PLXDC1: variants seen among roughly 807,000 people sequenced by gnomAD.
PLXDC1 encodes the protein plexin domain containing 1.
A neutral mutation model predicts 61.3 loss-of-function variants in PLXDC1; 39 were observed. The ratio of observed to expected loss-of-function variants is 0.64; its 90% CI spans 0.49 to 0.83. The LOEUF (loss-of-function observed/expected upper bound fraction) is 0.83, where lower values mean the gene tolerates loss of function less well. Ranked by LOEUF, PLXDC1 falls within the 40% of genes least tolerant of loss-of-function variation. PLXDC1 has a pLI of 0.00. For missense variants in PLXDC1, 596 were observed against 666.5 expected (o/e 0.89, Z 1.17); for synonymous variants, 212 against 254.5 (o/e 0.83, Z 1.59).
intron 4 of PLXDC1, 96 bp downstream of exon 4, chr17:39,108,808 A>G: frequency 1.3e-6 from 1 of 794,584 alleles, no homozygotes; most frequent in Non-Finnish European, 2.2e-6. Flanking sequence ...CTCCCATTTC[A>G]TATAACCCTG....
chr17:39,151,666 C>G, upstream of PLXDC1: 1 of 23,674 alleles, frequency 4.2e-5, no homozygotes, highest in Non-Finnish European at 6.4e-5. This position sits in a 1 kb window ranked among gnomAD's most constrained non-coding sequence, Gnocchi z 5.2. Context: ...GCCGCTGGGT[C>G]GGTGGGGGTG....
At position 39,067,383 on chromosome 17, in the gene PLXDC1, T is replaced by C. The variant is rs3254; in HGVS notation, c.*457A>G. On this transcript the variant is annotated 3_prime_UTR_variant, in exon 14 of 14. Coordinates refer to ENST00000315392, the MANE Select transcript of PLXDC1 (RefSeq NM_020405.5). ...AGCCAAACCTCCTCATTCCTATAAA[T>C]CTTTAACAAAAACAGTTAGCTGTTT... 34,569 of 156,224 alleles carry C rather than the reference T, an allele frequency of 0.22. 5,006 individuals carry two copies. Among genetic ancestry groups the C allele is most frequent in the Admixed American group, 0.4 (6,562 of 16,338 alleles). 9.7% of individuals were successfully genotyped at this position (156,224 alleles called of 1,614,324 possible).
At chr17:39,094,277 C>A (rs754132873) in intron 7 of PLXDC1, among the ~76,000 whole-genome samples, 2 of 152,100 alleles carry the variant, frequency 1.3e-5, no homozygotes, top group Non-Finnish European at 2.9e-5. Context: ...TCCCAGGGGC[C>A]ATCTCTCCTT....
At chr17:39,082,205 AG>A (rs1359681067) in intron 9 of PLXDC1, among the ~76,000 whole-genome samples, 1 of 152,216 alleles carries the variant, frequency 6.6e-6, no homozygotes, top group Non-Finnish European at 1.5e-5. Context: ...GATATTGGAA[AG>A]GAGCAAAGGA....
At chr17:39,071,503 T>C (rs938405440) in intron 12 of PLXDC1, among the ~76,000 whole-genome samples, 2 of 152,120 alleles carry the variant, frequency 1.3e-5, no homozygotes, top group Non-Finnish European at 2.9e-5. Context: ...AGAGAAACTA[T>C]CCTGGGGCAC....
chr17:39,091,332 C>T (rs371035679), intron 7 of PLXDC1, among the ~76,000 whole-genome samples: 1,891 of 152,198 alleles, frequency 0.012, 48 homozygotes, highest in African/African-American at 0.044. Flanking sequence ...CACTGACTCC[C>T]ATGGGGAGAG....
intron 7 of PLXDC1, 92 bp downstream of exon 7, chr17:39,105,750 CCCCTTGTCTACT>C: frequency 1.5e-6 from 1 of 683,898 alleles, no homozygotes; most frequent in South Asian, 1.9e-5. Flanking sequence ...CAACTCTCTG[CCCCTTGTCTACT>C]CCCTGCCACT....
At chr17:39,084,635 A>G (rs1396707404) in intron 8 of PLXDC1, among the ~76,000 whole-genome samples, 1 of 152,236 alleles carries the variant, frequency 6.6e-6, no homozygotes, top group Non-Finnish European at 1.5e-5. Context: ...ACGTGATCCC[A>G]GCAGCAGCCA....
chr17:39,130,268 C>A (rs1042547366), intron 2 of PLXDC1, among the ~76,000 whole-genome samples: 3 of 152,134 alleles, frequency 2.0e-5, no homozygotes, highest in African/African-American at 7.2e-5. Flanking sequence ...CCCTGGGCAA[C>A]TTAGTGAGAT....
intron 2 of PLXDC1, among the ~76,000 whole-genome samples, chr17:39,121,054 T>C (rs1168535383): frequency 6.6e-6 from 1 of 152,056 alleles, no homozygotes; most frequent in Non-Finnish European, 1.5e-5. Context: ...TTGCCCAGTC[T>C]GGTCTCAAAC....
At position 39,096,965 on chromosome 17, in the gene PLXDC1, C is replaced by T. The variant is rs1198986333; in HGVS notation, c.811+8889G>A. Reference sequence around the variant, plus strand: ...CACCAAAGATGCTTTGCAGACTCTGCTGAAAAGCCTGCGGAAGAGTTTATA... The same window carrying T: ...CACCAAAGATGCTTTGCAGACTCTGTTGAAAAGCCTGCGGAAGAGTTTATA... On this transcript the variant is annotated intron_variant, in intron 7 of 13. Coordinates refer to ENST00000315392, the MANE Select transcript of PLXDC1 (RefSeq NM_020405.5). The T allele has an allele frequency of 6.4e-6, 3 of 471,362 alleles. No homozygotes were observed. The Admixed American group carries it at 7.0e-5, about 11-fold the overall frequency. 29.2% of individuals were successfully genotyped at this position (471,362 alleles called of 1,614,324 possible).
At chr17:39,108,751 A>AC in intron 4 of PLXDC1, 153 bp downstream of exon 4, 4 of 635,680 alleles carry the variant, frequency 6.3e-6, no homozygotes, top group Admixed American at 4.7e-5. Context: ...ACGTCCACTG[A>AC]CCCCCCTCCT....
chr17:39,091,479 T>C lies in PLXDC1; in HGVS notation c.812-3777A>G, dbSNP rs7212600. Among the ~76,000 whole-genome samples the C allele has an allele frequency of 3.0e-3, 457 of 152,104 alleles. 2 individuals carry two copies. The highest frequency in any genetic ancestry group is 0.011 in the African/African-American group (444 of 41,504). The stretch of plus-strand genomic sequence containing the variant: ...AATGAGATCCAGGCCTCCTCCCACG[T>C]CTCCCTCCCTTCCTTCCATCCCAGG... On this transcript the variant is annotated intron_variant, in intron 7 of 13. Coordinates refer to ENST00000315392, the MANE Select transcript of PLXDC1 (RefSeq NM_020405.5).
intron 2 of PLXDC1, among the ~76,000 whole-genome samples, chr17:39,117,562 C>A (rs1167549943): frequency 2.2e-5 from 3 of 136,360 alleles, no homozygotes; most frequent in African/African-American, 8.7e-5. Flanking sequence ...GAGACCCTCC[C>A]CCCAAGTCTA....
intron 1 of PLXDC1, among the ~76,000 whole-genome samples, chr17:39,146,019 C>G (rs974347574): frequency 6.6e-6 from 1 of 151,046 alleles, no homozygotes; most frequent in Non-Finnish European, 1.5e-5. Flanking sequence ...GGGTTCTGGG[C>G]AGAAGTATAG....
chr17:39,128,659 C>T (rs1456452644), intron 2 of PLXDC1, among the ~76,000 whole-genome samples: 2 of 152,108 alleles, frequency 1.3e-5, no homozygotes, highest in Non-Finnish European at 2.9e-5. Flanking sequence ...AAAAGTTAAA[C>T]ACAGAGTTAC....
chr17:39,122,471 T>C (rs115973248), intron 2 of PLXDC1, among the ~76,000 whole-genome samples: 301 of 151,748 alleles, frequency 2.0e-3, no homozygotes, highest in African/African-American at 7.0e-3. Flanking sequence ...AATAGCCATC[T>C]TGAGCTACAA....
At chr17:39,148,884 G>A (rs142718321) in intron 1 of PLXDC1, among the ~76,000 whole-genome samples, 236 of 152,158 alleles carry the variant, frequency 1.6e-3, no homozygotes, top group African/African-American at 4.8e-3. Flanking sequence ...TTTTATAGAC[G>A]GGGAAACCTT....
At chr17:39,072,720 T>G in intron 11 of PLXDC1, 1 of 550,900 alleles carries the variant, frequency 1.8e-6, no homozygotes, top group East Asian at 3.2e-5. Flanking sequence ...GAGGGCCGGC[T>G]GCCTGGAGAG....
Sources: allele counts gnomAD v4.1 joint callset (sites outside exome capture counted in the v4.1 genomes callset), GRCh38; gene constraint gnomAD v4.1.1; non-coding constraint Gnocchi (gnomAD v3.1); transcripts MANE v1.5; gene names NCBI Gene and HGNC (gene_info 2026-07-23, HGNC 2026-07-21).